The following PCDH11X variants were observed in gnomAD, a reference collection of about 807,000 sequenced individuals.
PCDH11X encodes protocadherin 11 X-linked, also known as protocadherin-11 X-linked.
Under a neutral mutation model 53.3 loss-of-function variants are expected in PCDH11X, and 18 were observed. The ratio of observed to expected loss-of-function variants is 0.34; its 90% confidence interval spans 0.23 to 0.50. PCDH11X has a LOEUF of 0.50. Ranked by LOEUF, PCDH11X falls within the 20% of genes least tolerant of loss-of-function variation. The pLI is 0.98. For missense variants in PCDH11X, 570 were observed against 1,032.4 expected (o/e 0.55, Z 6.14); for synonymous variants, 279 against 393.3 (o/e 0.71, Z 3.44).
intron 10 of PCDH11X, among the ~76,000 whole-genome samples, chrX:92,576,301 A>G (rs1167907742): frequency 1.2e-5 from 1 of 86,494 alleles, no homozygotes; most frequent in African/African-American, 4.3e-5. Flanking sequence ...GTGTTTCTTT[A>G]TAAGTGTGTT....
At chrX:92,379,330 T>C (rs1412922639) in intron 8 of PCDH11X, among the ~76,000 whole-genome samples, 1 of 113,025 alleles carries the variant, frequency 8.8e-6, no homozygotes, top group African/African-American at 3.2e-5. Flanking sequence ...CTGGGCACTG[T>C]GGCAACCTGG....
intron 9 of PCDH11X, among the ~76,000 whole-genome samples, chrX:92,464,977 A>G (rs1197292332): frequency 9.0e-6 from 1 of 111,082 alleles, no homozygotes; most frequent in South Asian, 3.8e-4. Context: ...ACTTGTTCTC[A>G]AAAGTTAGCC....
chrX:92,490,932 C>A (rs1328673555), intron 10 of PCDH11X, among the ~76,000 whole-genome samples: 1 of 107,340 alleles, frequency 9.3e-6, no homozygotes, highest in African/African-American at 3.4e-5. Flanking sequence ...GTAGGGAATC[C>A]TAAGCTGAGA....
intron 6 of PCDH11X, among the ~76,000 whole-genome samples, chrX:91,934,466 C>T (rs762932803): frequency 1.4e-4 from 15 of 110,666 alleles, no homozygotes; most frequent in African/African-American, 4.6e-4. Context: ...TTGCTAAAAT[C>T]GGAAATTCTT....
intron 6 of PCDH11X, among the ~76,000 whole-genome samples, chrX:91,929,161 GT>G (rs763081411): frequency 4.5e-5 from 5 of 111,058 alleles, no homozygotes; most frequent in African/African-American, 1.3e-4. Flanking sequence ...CTATTTATCT[GT>G]TTTTTCTGAA....
At position 92,043,698 on chromosome X, in the gene PCDH11X, A is replaced by C. The variant is rs2063242296; in HGVS notation, c.3034-157677A>C. Among the ~76,000 whole-genome samples, 4 of 103,680 alleles carry C rather than the reference A, an allele frequency of 3.9e-5. No homozygotes were observed. In the South Asian group the frequency reaches 1.8e-3, roughly 46 times the overall value. 90.0% of individuals were successfully genotyped at this position (103,680 alleles called of 115,157 possible). A position where few individuals can be genotyped will look rare whatever the true frequency, so the allele number is the denominator to read the frequency against. ...AGCTTCACAGAAATACTAAGTTGTCAATTTATCAGTCAAAATTATGTGTAA... is the reference window on the plus strand; with the variant it reads ...AGCTTCACAGAAATACTAAGTTGTCCATTTATCAGTCAAAATTATGTGTAA... On this transcript the variant is annotated intron_variant, in intron 6 of 10. Coordinates refer to ENST00000682573, the MANE Select transcript of PCDH11X (RefSeq NM_032968.5).
intron 6 of PCDH11X, among the ~76,000 whole-genome samples, chrX:91,970,174 G>A (rs1470380158): frequency 9.0e-6 from 1 of 110,917 alleles, no homozygotes; most frequent in African/African-American, 3.3e-5. Context: ...GCTCTTTAAG[G>A]CAGTGCGGAC....
rs1413868047 is a variant in PCDH11X at position 92,554,375 on chromosome X, G to A, written c.3368-63889G>A. On this transcript the variant is annotated intron_variant, in intron 10 of 10. Coordinates refer to ENST00000682573, the MANE Select transcript of PCDH11X (RefSeq NM_032968.5). ...ACTAAAATTTAGCCTGATATTCCAG[G>A]CCCTAAAGAATTTTTTAAAAATTAC... Among the ~76,000 whole-genome samples the A allele has an allele frequency of 3.9e-5, 4 of 103,002 alleles. No homozygotes were observed. In the East Asian group the frequency reaches 1.2e-3, roughly 31 times the overall value. The allele number at this position is 103,002 out of a possible 115,157, so 89.4% of individuals were successfully genotyped here.
chrX:92,219,511 A>T (rs1351864304), intron 7 of PCDH11X, among the ~76,000 whole-genome samples: 1 of 110,045 alleles, frequency 9.1e-6, no homozygotes, highest in Non-Finnish European at 1.9e-5. Context: ...GCCCTCTTCA[A>T]GGAGAACTAC....
intron 8 of PCDH11X, among the ~76,000 whole-genome samples, chrX:92,358,288 T>C (rs1488283617): frequency 2.1e-5 from 2 of 94,480 alleles, no homozygotes; most frequent in African/African-American, 7.7e-5. Context: ...GAGACTCTTA[T>C]TTTACACATT....
chrX:92,119,100 TTTAA>T (rs1157564717), intron 6 of PCDH11X, among the ~76,000 whole-genome samples: 3 of 109,409 alleles, frequency 2.7e-5, no homozygotes, highest in African/African-American at 1.0e-4. Flanking sequence ...ATTTTAATTT[TTTAA>T]TTAATTTATT....
chrX:92,496,466 C>T (rs1230790747), intron 10 of PCDH11X, among the ~76,000 whole-genome samples: 5 of 107,226 alleles, frequency 4.7e-5, no homozygotes, highest in Non-Finnish European at 9.5e-5. Context: ...TTTAGAGCAT[C>T]GATTAGTAAG....
At chrX:92,009,700 C>CTTTTTTTT (rs68159170) in intron 6 of PCDH11X, among the ~76,000 whole-genome samples, 5 of 66,642 alleles carry the variant, frequency 7.5e-5, no homozygotes, top group African/African-American at 2.8e-4. Context: ...TGACTGTTGC[C>CTTTTTTTT]TTTTTTTTTT....
chrX:92,122,153 T>C (rs1167898447), intron 6 of PCDH11X, among the ~76,000 whole-genome samples: 1 of 109,250 alleles, frequency 9.2e-6, no homozygotes, highest in Admixed American at 1.0e-4. Flanking sequence ...CGGCTAATTT[T>C]TGCATTTTTA....
intron 5 of PCDH11X, among the ~76,000 whole-genome samples, chrX:91,860,501 T>C (rs977319640): frequency 1.8e-5 from 2 of 110,946 alleles, no homozygotes; most frequent in Non-Finnish European, 3.8e-5. Flanking sequence ...AATACTATGT[T>C]GAATAGGAGT....
chrX:91,919,846 A>G (rs1284827232), intron 6 of PCDH11X, among the ~76,000 whole-genome samples: 2 of 111,848 alleles, frequency 1.8e-5, no homozygotes, highest in East Asian at 2.8e-4. Context: ...AGAACAAAGT[A>G]TATTTCCTCT....
chrX:92,253,777 G>A (rs769718808), intron 7 of PCDH11X, among the ~76,000 whole-genome samples: 4 of 111,696 alleles, frequency 3.6e-5, no homozygotes, highest in Non-Finnish European at 7.5e-5. Flanking sequence ...ACTGATTTTT[G>A]TATGTTCATT....
rs539308012 is a variant in PCDH11X at position 91,898,252 on chromosome X, G to C, written c.3033+18979G>C. On this transcript the variant is annotated intron_variant, in intron 6 of 10. Transcript: ENST00000682573. ...ACTCATTTTAAAGATTGAGCTCTCAGAGAGCTCAATAATTTGCCCCAGCCG... is the reference window on the plus strand; with the variant it reads ...ACTCATTTTAAAGATTGAGCTCTCACAGAGCTCAATAATTTGCCCCAGCCG... Among the ~76,000 whole-genome samples the C allele has an allele frequency of 1.2e-3, 128 of 108,166 alleles. 3 individuals are homozygous for C. In the South Asian group the frequency reaches 0.054, roughly 46 times the overall value. 93.9% of individuals were successfully genotyped at this position (108,166 alleles called of 115,157 possible).
intron 7 of PCDH11X, among the ~76,000 whole-genome samples, chrX:92,210,230 CTTTTTTTTT>C (rs146233770): frequency 2.4e-5 from 1 of 41,079 alleles, no homozygotes; most frequent in African/African-American, 1.0e-4. Context: ...AGAAAATGGG[CTTTTTTTTT>C]TTTTTTTTTT....
Sources: allele counts gnomAD v4.1 joint callset (sites outside exome capture counted in the v4.1 genomes callset), GRCh38; gene constraint gnomAD v4.1.1; transcripts MANE v1.5; gene names NCBI Gene and HGNC (gene_info 2026-07-23, HGNC 2026-07-21).